The following KIAA1328 variants were observed in gnomAD, a reference collection of about 807,000 sequenced individuals.
KIAA1328 encodes the protein KIAA1328, also known as protein hinderin.
Under a neutral mutation model 68.1 loss-of-function variants are expected in KIAA1328, and 52 were observed. The ratio of observed to expected loss-of-function variants is 0.76; its 90% CI spans 0.61 to 0.96. The LOEUF (loss-of-function observed/expected upper bound fraction) is 0.96. KIAA1328 is among the 40% of genes least tolerant of loss of function. The pLI is 0.00. For synonymous variants in KIAA1328, 232 were observed against 239.4 expected (o/e 0.97, Z 0.28); for missense variants, 641 against 677.6 (o/e 0.95, Z 0.60).
At chr18:37,012,039 T>C (rs1363945656) in intron 6 of KIAA1328, among the ~76,000 whole-genome samples, 1 of 152,196 alleles carries the variant, frequency 6.6e-6, no homozygotes, top group Non-Finnish European at 1.5e-5. Flanking sequence ...AAACTACCTT[T>C]GTAGGTATTT....
intron 6 of KIAA1328, among the ~76,000 whole-genome samples, chr18:36,999,926 C>T (rs372715781): frequency 3.0e-4 from 45 of 151,310 alleles, no homozygotes; most frequent in African/African-American, 1.0e-3. Context: ...CAATGAAAAA[C>T]ACTAAGAGAA....
intron 9 of KIAA1328, among the ~76,000 whole-genome samples, chr18:37,220,435 C>T (rs532933633): frequency 6.6e-6 from 1 of 152,214 alleles, no homozygotes; most frequent in South Asian, 2.1e-4. Context: ...TGGGTTTTTT[C>T]CTATCAAATG....
At chr18:37,088,340 T>G (rs1260599574) in intron 7 of KIAA1328, among the ~76,000 whole-genome samples, 2 of 152,214 alleles carry the variant, frequency 1.3e-5, no homozygotes, top group Non-Finnish European at 2.9e-5. Flanking sequence ...CAATCAGTCA[T>G]GTAAATTAGC....
Position 37,220,539 on chromosome 18 carries a change from G to C in KIAA1328, c.1524-1478G>C, listed in dbSNP as rs1200676137. 3.3e-5 allele frequency among the ~76,000 whole-genome samples: 5 copies of C among 152,106 alleles called. No individual in the cohort carries two copies. In the South Asian group the frequency reaches 1.0e-3, roughly 32 times the overall value. On this transcript the variant is annotated intron_variant, in intron 9 of 9. Transcript: ENST00000280020. ...ACCAGAGATTCTAAACTCTTTGAAG[G>C]CTTCTAATATATCTCTGATATGCTT...
downstream of KIAA1328, among the ~76,000 whole-genome samples, chr18:37,228,963 G>A (rs374403068): frequency 1.3e-3 from 191 of 152,316 alleles, no homozygotes; most frequent in African/African-American, 4.4e-3. Flanking sequence ...ACACTACAGT[G>A]GACTACAGTT....
chr18:37,176,252 A>T (rs2059595307), intron 9 of KIAA1328, among the ~76,000 whole-genome samples: 1 of 152,208 alleles, frequency 6.6e-6, no homozygotes, highest in Non-Finnish European at 1.5e-5. Flanking sequence ...AAGGAATGTT[A>T]ACTATGTTGC....
chr18:36,870,402 T>C (rs1381669588), intron 4 of KIAA1328, among the ~76,000 whole-genome samples: 2 of 152,176 alleles, frequency 1.3e-5, no homozygotes, highest in Non-Finnish European at 2.9e-5. Flanking sequence ...CTTTATTCAT[T>C]CTGAAATATA....
chr18:37,098,470 G>C (rs1201475074), intron 7 of KIAA1328, among the ~76,000 whole-genome samples: 1 of 152,204 alleles, frequency 6.6e-6, no homozygotes, highest in Non-Finnish European at 1.5e-5. Context: ...GCTGGATTCG[G>C]TTTGCCAGTA....
chr18:37,094,358 G>C (rs80103140), intron 7 of KIAA1328, among the ~76,000 whole-genome samples: 1 of 150,210 alleles, frequency 6.7e-6, no homozygotes, highest in African/African-American at 2.5e-5. Flanking sequence ...AAGTGCTGAT[G>C]GGAAAAAAAA....
chr18:37,079,509 A>G (rs1443486870), intron 7 of KIAA1328, among the ~76,000 whole-genome samples: 1 of 151,158 alleles, frequency 6.6e-6, no homozygotes, highest in Non-Finnish European at 1.5e-5. Flanking sequence ...AAATAAAAAT[A>G]AAAAAAAGAA....
intron 9 of KIAA1328, among the ~76,000 whole-genome samples, chr18:37,175,268 T>G (rs2059577777): frequency 6.6e-6 from 1 of 152,300 alleles, no homozygotes; most frequent in Admixed American, 6.5e-5. Context: ...CATTTCAGTT[T>G]AGAGGGAAGT....
At chr18:37,142,993 C>A (rs1200246493) in intron 7 of KIAA1328, among the ~76,000 whole-genome samples, 1 of 144,970 alleles carries the variant, frequency 6.9e-6, no homozygotes, top group African/African-American at 2.6e-5. Flanking sequence ...CTTGCTCTGT[C>A]CCCCAGCCTG....
At chr18:36,959,259 G>C in intron 5 of KIAA1328, 49 bp from the exon 6 acceptor site, 3 of 1,505,870 alleles carry the variant, frequency 2.0e-6, no homozygotes, top group Non-Finnish European at 2.7e-6. Flanking sequence ...ATTGATGGAT[G>C]CAGTTTGAAT....
intron 7 of KIAA1328, among the ~76,000 whole-genome samples, chr18:37,093,966 T>G (rs2057334097): frequency 6.6e-6 from 1 of 152,218 alleles, no homozygotes; most frequent in Admixed American, 6.5e-5. Flanking sequence ...AGAGCAGCGG[T>G]CTCATGAGGA....
intron 5 of KIAA1328, among the ~76,000 whole-genome samples, chr18:36,914,328 G>A (rs2049595615): frequency 6.6e-6 from 1 of 152,118 alleles, no homozygotes; most frequent in African/African-American, 2.4e-5. Context: ...AAGAGGATTA[G>A]GTATTAGCTT....
At chr18:37,186,401 A>G (rs973968453) in intron 9 of KIAA1328, among the ~76,000 whole-genome samples, 4 of 151,626 alleles carry the variant, frequency 2.6e-5, no homozygotes, top group African/African-American at 9.7e-5. Flanking sequence ...CCTTGTTGCT[A>G]CTAAAAATTT....
chr18:36,837,825 A>G (rs1214722380), intron 3 of KIAA1328, among the ~76,000 whole-genome samples: 1 of 152,046 alleles, frequency 6.6e-6, no homozygotes, highest in Non-Finnish European at 1.5e-5. Flanking sequence ...TCCCAGCACC[A>G]TTTGTTAAAA....
intron 8 of KIAA1328, 66 bp from the exon 9 acceptor site, chr18:37,172,907 C>G: frequency 8.5e-7 from 1 of 1,177,292 alleles, no homozygotes; most frequent in East Asian, 2.4e-5. Flanking sequence ...TATAAATTTA[C>G]TAAGAGTGAA....
Position 37,160,521 on chromosome 18 carries a change from G to T in KIAA1328, c.1414+140G>T, listed in dbSNP as rs535342313. On this transcript the variant is annotated intron_variant, in intron 8 of 9. Coordinates refer to ENST00000280020, the MANE Select transcript of KIAA1328 (RefSeq NM_020776.3). The stretch of plus-strand genomic sequence containing the variant: ...CTGAAGTGTGCCTGCAAGGCCACAG[G>T]TAACACATTTACTAGATTAGTGAAT... The T allele has an allele frequency of 2.4e-5, 16 of 655,452 alleles. No individual in the cohort carries two copies. In the East Asian group the frequency reaches 4.6e-4, roughly 19 times the overall value. The allele number at this position is 655,452 out of a possible 1,614,324, so 40.6% of individuals were successfully genotyped here. A position where few individuals can be genotyped will look rare whatever the true frequency, so the allele number is the denominator to read the frequency against.
Sources: gnomAD v4.1 joint callset for allele counts (sites outside exome capture counted in the v4.1 genomes callset) on GRCh38, gnomAD v4.1.1 for gene constraint, MANE v1.5 for transcripts, NCBI Gene and HGNC (gene_info 2026-07-23, HGNC 2026-07-21) for gene names.